The following GPT2 variants were observed in gnomAD, a reference collection of about 807,000 sequenced individuals.
The protein encoded by GPT2 is alanine aminotransferase 2.
GPT2 carries 30 observed loss-of-function variants against 56.9 expected under a neutral mutation model. The ratio of observed to expected loss-of-function variants is 0.53; its 90% CI spans 0.39 to 0.72. GPT2 has a LOEUF of 0.72. GPT2 is among the 30% of genes least tolerant of loss of function. The probability of loss-of-function intolerance (pLI) is 0.00; values close to 1 mark genes in which losing one functional copy is unlikely to be tolerated. For missense variants in GPT2, 542 were observed against 703.4 expected, an observed-to-expected ratio of 0.77 and a Z score of 2.60; for synonymous variants, 271 against 283.1, an observed-to-expected ratio of 0.96 and a Z score of 0.43.
At position 46,924,441 on chromosome 16, in the gene GPT2, A is replaced by T; in HGVS notation, c.1265A>T (p.Asp422Val). 6.2e-7 allele frequency: 1 copy of T among 1,614,220 alleles called. No individual in the cohort carries two copies. The highest frequency in any genetic ancestry group is 8.5e-7 in the Non-Finnish European group (1 of 1,180,034). The part of the protein sequence containing the change: ...NLAKKAKLTE[D>V]LFNQVPGIHC... The stretch of plus-strand genomic sequence containing the variant: ...GCCAAAAAAGCAAAGCTGACGGAAG[A>T]CCTGTTTAACCAAGTCCCAGGAATT... Residue 422 changes from aspartate (D) to valine (V), a missense_variant, in exon 10 of 12, where the codon GAC becomes GTC. Coordinates refer to ENST00000340124, the MANE Select transcript of GPT2 (RefSeq NM_133443.4).
rs765182329 is a variant in GPT2 at position 46,907,894 on chromosome 16, C to T, written c.576+919C>T. On this transcript the variant is annotated intron_variant, in intron 5 of 11. Transcript: ENST00000340124. ...CGGGGAGGGCTGGGGCCAGTGGTTA[C>T]TTGCAGTCTGGAGTGCAGTGGAGTT... Among the ~76,000 whole-genome samples, 4 of 152,162 alleles carry T rather than the reference C, an allele frequency of 2.6e-5. No homozygotes were observed. The East Asian group carries it at 5.8e-4, about 22-fold the overall frequency.
At position 46,929,238 on chromosome 16, in the gene GPT2, A is replaced by G; in HGVS notation, c.*241A>G. On this transcript the variant is annotated 3_prime_UTR_variant, in exon 12 of 12. Transcript: ENST00000340124. ...GGGGACCTGCTCAGCAGGTGTGACC[A>G]GGGTTCTCTGAATCTGTTATTGTTT... 1 of 499,228 alleles carries G rather than the reference A, an allele frequency of 2.0e-6. No individual in the cohort carries two copies. The highest frequency in any genetic ancestry group is 3.6e-6 in the Non-Finnish European group (1 of 275,268). 30.9% of individuals were successfully genotyped at this position (499,228 alleles called of 1,614,324 possible). A position where few individuals can be genotyped will look rare whatever the true frequency, so the allele number is the denominator to read the frequency against.
chr16:46,926,990 C>T lies in GPT2; in HGVS notation c.1434C>T (p.Val478=), dbSNP rs377744349. 52 of 1,609,564 alleles carry T rather than the reference C, an allele frequency of 3.2e-5. No individual in the cohort carries two copies. Among genetic ancestry groups the T allele is most frequent in the African/African-American group, 5.3e-5 (4 of 74,796 alleles). ...TCCTGGAGGAGACTGGCATCTGTGT[C>T]GTGCCCGGCAGTGGCTTTGGGCAGA... is the stretch of plus-strand genomic sequence containing the variant. ...MKLLEETGIC[V]VPGSGFGQRE... is the part of the protein sequence containing the mutation. The change falls in exon 11 of 12, where the codon GTC becomes GTT. Residue 478 remains valine (V), a synonymous_variant. Transcript: ENST00000340124.
intron 10 of GPT2, among the ~76,000 whole-genome samples, chr16:46,924,837 A>G (rs1214655317): frequency 6.6e-6 from 1 of 152,164 alleles, no homozygotes; most frequent in Non-Finnish European, 1.5e-5. Flanking sequence ...CTGCGGGGGA[A>G]GCAGCAGGAG....
chr16:46,885,532 G>T lies in GPT2; in HGVS notation c.243+574G>T, dbSNP rs1237640586. ...ATTCCTTCCTTTAGGCCCCTCTGGA[G>T]CCTTGGCCGACCAGCCACTTCTGTG... On this transcript the variant is annotated intron_variant, in intron 2 of 11. Transcript: ENST00000340124. 4 of 985,200 alleles carry T rather than the reference G, an allele frequency of 4.1e-6. No homozygotes were observed. The South Asian group carries it at 1.4e-4, about 35-fold the overall frequency. The allele number at this position is 985,200 out of a possible 1,614,324, so 61.0% of individuals were successfully genotyped here.
intron 1 of GPT2, 54 bp downstream of exon 1, chr16:46,884,521 C>G (rs1960441395): frequency 3.6e-6 from 2 of 551,490 alleles, no homozygotes; most frequent in Admixed American, 4.5e-5. Context: ...GTTGGGTGTG[C>G]GTTGGTGCTT....
chr16:46,927,713 A>G (rs1195209652), intron 11 of GPT2, among the ~76,000 whole-genome samples: 3 of 152,100 alleles, frequency 2.0e-5, no homozygotes, highest in African/African-American at 7.2e-5. Context: ...GACTTAGGCA[A>G]GGTTGTGGGT....
chr16:46,930,655 T>G lies in GPT2; in HGVS notation c.*1658T>G. ...CAGGATTAGTCCCAGGGTCGTGAGG[T>G]TTCTGGTGAAAAGGTTAAATCGTAG... is the stretch of plus-strand genomic sequence containing the variant. On this transcript the variant is annotated 3_prime_UTR_variant, in exon 12 of 12. Transcript: ENST00000340124. 1 of 152,586 alleles carries G rather than the reference T, an allele frequency of 6.6e-6. No individual in the cohort carries two copies. The allele number at this position is 152,586 out of a possible 1,614,324, so 9.5% of individuals were successfully genotyped here.
In GPT2 at chr16:46,900,615, T is replaced by A. The variant is rs557441534; in HGVS notation, c.334-67T>A. The A allele has an allele frequency of 3.8e-5, 48 of 1,264,160 alleles. No homozygotes were observed. In the Middle Eastern group the frequency reaches 5.7e-4, roughly 15 times the overall value. 78.3% of individuals were successfully genotyped at this position (1,264,160 alleles called of 1,614,324 possible). A position where few individuals can be genotyped will look rare whatever the true frequency, so the allele number is the denominator to read the frequency against. ...GGGAGCTGTCATCCTCCCAGTGGCC[T>A]CTGTGCTCCTCCTGGAGCTCTAGGA... On this transcript the variant is annotated intron_variant, in intron 3 of 11. Coordinates refer to ENST00000340124, the MANE Select transcript of GPT2 (RefSeq NM_133443.4).
At chr16:46,900,880 A>G in intron 4 of GPT2, 90 bp downstream of exon 4, 1 of 1,019,124 alleles carries the variant, frequency 9.8e-7, no homozygotes, top group Admixed American at 1.9e-5. Flanking sequence ...CTGCATGCGA[A>G]TGGGTGTGTG....
At chr16:46,917,887 A>C (rs1334285497) in intron 7 of GPT2, among the ~76,000 whole-genome samples, 1 of 152,172 alleles carries the variant, frequency 6.6e-6, no homozygotes, top group Admixed American at 6.6e-5. Flanking sequence ...GGGTTTCCTC[A>C]CAACCTGGTA....
intron 2 of GPT2, among the ~76,000 whole-genome samples, chr16:46,888,491 T>C (rs1251664981): frequency 6.6e-6 from 1 of 152,022 alleles, no homozygotes; most frequent in African/African-American, 2.4e-5. Flanking sequence ...GGATTACAGG[T>C]GCCCGCCGCC....
At chr16:46,919,945 G>A (rs532450803) in intron 8 of GPT2, among the ~76,000 whole-genome samples, 52 of 152,282 alleles carry the variant, frequency 3.4e-4, no homozygotes, top group East Asian at 1.2e-3. Flanking sequence ...AGTGGCTCAC[G>A]CCTGTGATCC....
At chr16:46,884,505 A>G (rs918498851) in intron 1 of GPT2, 38 bp downstream of exon 1, 40 of 472,068 alleles carry the variant, frequency 8.5e-5, no homozygotes, top group Non-Finnish European at 1.3e-4. Flanking sequence ...GCCTTTGCGA[A>G]AGCCGGTTGG....
At chr16:46,893,231 C>T (rs1200184257) in intron 2 of GPT2, among the ~76,000 whole-genome samples, 1 of 152,192 alleles carries the variant, frequency 6.6e-6, no homozygotes, top group Non-Finnish European at 1.5e-5. Context: ...CCCGGGTTCA[C>T]ACCATTCTCC....
At chr16:46,916,270 C>T (rs190828718) in intron 6 of GPT2, 2,184 of 170,228 alleles carry the variant, frequency 0.013, 28 homozygotes, top group Non-Finnish European at 0.019. Flanking sequence ...GGCATGAACT[C>T]GGGAGGCGGA....
intron 8 of GPT2, among the ~76,000 whole-genome samples, chr16:46,918,978 A>G (rs1422530710): frequency 1.3e-5 from 2 of 152,222 alleles, no homozygotes; most frequent in African/African-American, 2.4e-5. Flanking sequence ...ACAACGGACA[A>G]ATGGAGTGGA....
At chr16:46,905,826 C>T (rs1307920099) in intron 4 of GPT2, among the ~76,000 whole-genome samples, 3 of 152,230 alleles carry the variant, frequency 2.0e-5, no homozygotes, top group Non-Finnish European at 4.4e-5. Context: ...TACACTCTCT[C>T]ATGGGTCTTT....
At chr16:46,925,558 C>T (rs141051467) in intron 10 of GPT2, among the ~76,000 whole-genome samples, 4 of 152,216 alleles carry the variant, frequency 2.6e-5, no homozygotes, top group Non-Finnish European at 5.9e-5. Flanking sequence ...AGGCTGGGTG[C>T]AGTGGCTCAC....
Sources: gnomAD v4.1 joint callset for allele counts (sites outside exome capture counted in the v4.1 genomes callset) on GRCh38, gnomAD v4.1.1 for gene constraint, MANE v1.5 for transcripts, NCBI Gene and HGNC (gene_info 2026-07-23, HGNC 2026-07-21) for gene names.